The following PTPRD variants were observed in gnomAD, a reference collection of about 807,000 sequenced individuals.
The protein encoded by PTPRD is protein tyrosine phosphatase receptor type D, also known as receptor-type tyrosine-protein phosphatase delta.
PTPRD carries 34 observed loss-of-function variants against 214.5 expected under a neutral mutation model. That is an observed-to-expected ratio of 0.16 (90% CI 0.12 to 0.21). The LOEUF is 0.21. PTPRD is among the 10% of genes least tolerant of loss of function. The pLI is 1.00. For missense variants in PTPRD, 2,545 were observed against 2,398.7 expected (o/e 1.06, Z -1.27); for synonymous variants, 1,128 against 845.7 (o/e 1.33, Z -5.79).
chr9:8,945,112 C>G (rs2099055828), intron 11 of PTPRD, among the ~76,000 whole-genome samples: 1 of 151,944 alleles, frequency 6.6e-6, no homozygotes, highest in Non-Finnish European at 1.5e-5. Context: ...AATCTAAAAT[C>G]AGGGAAACAA....
In PTPRD at chr9:10,556,528, G is replaced by A. The variant is rs1260098863; in HGVS notation, c.-600+55870C>T. The stretch of plus-strand genomic sequence containing the variant: ...ACTGAGAGTCACGTGGTGATACAAC[G>A]TAATTAAAGAAAGGCCCTCAAAAGT... On this transcript the variant is annotated intron_variant, in intron 2 of 45. Coordinates refer to ENST00000381196, the MANE Select transcript of PTPRD (RefSeq NM_002839.4). Among the ~76,000 whole-genome samples, 10 of 152,010 alleles carry A rather than the reference G, an allele frequency of 6.6e-5. No homozygotes were observed. The South Asian group carries it at 1.7e-3, about 25-fold the overall frequency.
chr9:9,968,715 G>C (rs1028699827), intron 4 of PTPRD, among the ~76,000 whole-genome samples: 1 of 152,046 alleles, frequency 6.6e-6, no homozygotes, highest in Non-Finnish European at 1.5e-5. Flanking sequence ...CTACAAAAAA[G>C]CTAGGTCACA....
chr9:10,276,808 A>G (rs2094718634), intron 3 of PTPRD, among the ~76,000 whole-genome samples: 2 of 152,232 alleles, frequency 1.3e-5, no homozygotes, highest in Admixed American at 1.3e-4. Context: ...TAATACTTTT[A>G]GAGGTGAGAA....
chr9:9,335,723 T>C (rs372584505), intron 9 of PTPRD, among the ~76,000 whole-genome samples: 2 of 152,106 alleles, frequency 1.3e-5, no homozygotes, highest in African/African-American at 2.4e-5. Context: ...CCAAGAAGCA[T>C]AGAAATGAAT....
At chr9:10,553,028 G>A (rs2061683786) in intron 2 of PTPRD, among the ~76,000 whole-genome samples, 1 of 152,152 alleles carries the variant, frequency 6.6e-6, no homozygotes. Context: ...CAAGAATTCA[G>A]CTGAGGCAGT....
At chr9:8,856,173 T>C (rs2097912312) in intron 11 of PTPRD, among the ~76,000 whole-genome samples, 1 of 150,230 alleles carries the variant, frequency 6.7e-6, no homozygotes, top group African/African-American at 2.5e-5. Context: ...TTTTACTGGG[T>C]ATTATTATAT....
intron 2 of PTPRD, among the ~76,000 whole-genome samples, chr9:10,509,231 A>G (rs2047123997): frequency 6.6e-6 from 1 of 151,982 alleles, no homozygotes; most frequent in Non-Finnish European, 1.5e-5. Context: ...ATGTGGTGTA[A>G]TAATGATTTC....
At chr9:9,640,231 T>C (rs186354116) in intron 7 of PTPRD, among the ~76,000 whole-genome samples, 2 of 152,328 alleles carry the variant, frequency 1.3e-5, no homozygotes, top group South Asian at 2.1e-4. Context: ...GATCTAAATA[T>C]GGCCAATGAG....
chr9:8,483,545 G>T (rs1591664508), intron 30 of PTPRD, among the ~76,000 whole-genome samples: 2 of 152,188 alleles, frequency 1.3e-5, no homozygotes, highest in African/African-American at 2.4e-5. Flanking sequence ...AAGGTCAGGA[G>T]ATTGAGACCA....
intron 3 of PTPRD, among the ~76,000 whole-genome samples, chr9:10,129,107 T>C (rs1388399398): frequency 6.6e-6 from 1 of 152,160 alleles, no homozygotes; most frequent in Non-Finnish European, 1.5e-5. Flanking sequence ...ACTCCTGATA[T>C]GAATTAAGAA....
At chr9:9,504,932 G>C (rs75503924) in intron 8 of PTPRD, among the ~76,000 whole-genome samples, 1 of 151,604 alleles carries the variant, frequency 6.6e-6, no homozygotes, top group Admixed American at 6.6e-5. Flanking sequence ...AATGATTGCA[G>C]TAGAGAGGCT....
At chr9:9,394,241 A>G (rs2066914721) in intron 9 of PTPRD, among the ~76,000 whole-genome samples, 2 of 152,184 alleles carry the variant, frequency 1.3e-5, no homozygotes, top group South Asian at 2.1e-4. Context: ...TCTTCGTGTC[A>G]TTAATGCTGA....
intron 12 of PTPRD, among the ~76,000 whole-genome samples, chr9:8,639,486 A>C (rs932629975): frequency 3.3e-5 from 5 of 152,230 alleles, no homozygotes; most frequent in Non-Finnish European, 7.3e-5. Flanking sequence ...TTCCCATTTA[A>C]GTTCTGTTCT....
At chr9:9,747,546 T>G (rs1400985384) in intron 6 of PTPRD, among the ~76,000 whole-genome samples, 7 of 151,344 alleles carry the variant, frequency 4.6e-5, no homozygotes, top group East Asian at 3.9e-4. Context: ...TTTGTTTTTT[T>G]TTTTTTTTTT....
chr9:8,497,567 C>A (rs1000312261), intron 25 of PTPRD, among the ~76,000 whole-genome samples: 1 of 152,162 alleles, frequency 6.6e-6, no homozygotes, highest in African/African-American at 2.4e-5. Flanking sequence ...ATATCCTACT[C>A]GTATTTATTT....
At chr9:8,852,868 A>G (rs12551867) in intron 11 of PTPRD, among the ~76,000 whole-genome samples, 23,771 of 152,216 alleles carry the variant, frequency 0.16, 2,369 homozygotes, top group South Asian at 0.26. Flanking sequence ...CAAACTAAAA[A>G]TAATTAACAG....
intron 10 of PTPRD, among the ~76,000 whole-genome samples, chr9:9,111,782 T>C (rs915595981): frequency 6.6e-6 from 1 of 152,184 alleles, no homozygotes; most frequent in Non-Finnish European, 1.5e-5. Context: ...AGGAAAACAT[T>C]TTTTAAAAAA....
In PTPRD at chr9:9,321,803, G is replaced by C. The variant is rs573824886; in HGVS notation, c.-203+75646C>G. Among the ~76,000 whole-genome samples the C allele has an allele frequency of 2.6e-3, 389 of 152,252 alleles. 1 individual carries two copies. Among genetic ancestry groups the C allele is most frequent in the African/African-American group, 8.5e-3 (354 of 41,558 alleles). ...AGGGTCTATGTCATATGGTTGTTGA[G>C]AGGATTAAATGAGATAATTCATGTA... On this transcript the variant is annotated intron_variant, in intron 9 of 45. Transcript: ENST00000381196.
chr9:8,758,964 C>T (rs1004750546), intron 11 of PTPRD, among the ~76,000 whole-genome samples: 2 of 151,766 alleles, frequency 1.3e-5, no homozygotes, highest in Non-Finnish European at 2.9e-5. Flanking sequence ...GGATTGCAGG[C>T]GTGAGCCACC....
Sources: allele counts gnomAD v4.1 joint callset (sites outside exome capture counted in the v4.1 genomes callset), GRCh38; gene constraint gnomAD v4.1.1; transcripts MANE v1.5; gene names NCBI Gene and HGNC (gene_info 2026-07-23, HGNC 2026-07-21).